The following DOCK9 variants were observed in gnomAD, a reference collection of about 807,000 sequenced individuals.
The protein encoded by DOCK9 is dedicator of cytokinesis protein 9.
DOCK9 carries 89 observed loss-of-function variants against 263.3 expected under a neutral mutation model. The observed-to-expected ratio is 0.34, with a 90% CI of 0.28 to 0.40. The LOEUF (loss-of-function observed/expected upper bound fraction) is 0.40, where lower values mean the gene tolerates loss of function less well. Among genes scored for constraint, DOCK9 ranks in the 10% least tolerant of loss-of-function variants. The pLI is 1.00. For synonymous variants in DOCK9, 976 were observed against 973.1 expected, an observed-to-expected ratio of 1.00 and a Z score of -0.06; for missense variants, 2,140 against 2,603.4, an observed-to-expected ratio of 0.82 and a Z score of 3.87.
Position 98,797,145 on chromosome 13 carries a change from C to T in DOCK9, c.6126G>A (p.Ala2042=), listed in dbSNP as rs1161830292. 1.2e-6 allele frequency: 2 copies of T among 1,614,002 alleles called. No homozygotes were observed. The highest frequency in any genetic ancestry group is 1.7e-6 in the Non-Finnish European group (2 of 1,179,880). The change falls in exon 52 of 53, where the codon GCG becomes GCA. Residue 2042 remains alanine, a synonymous_variant. Coordinates refer to ENST00000682017, the MANE Select transcript of DOCK9 (RefSeq NM_001366683.2). The part of the protein sequence containing the change: ...EEMKANYREM[A]KELSEIMHEQ... ...CATGCATGATTTCAGAAAGCTCCTT[C>T]GCCATTTCCCTGTAGTTGGCTTTCA... is the stretch of plus-strand genomic sequence containing the variant.
intron 1 of DOCK9, among the ~76,000 whole-genome samples, chr13:98,985,921 T>G (rs147664998): frequency 1.3e-4 from 20 of 152,382 alleles, no homozygotes; most frequent in African/African-American, 4.8e-4. Flanking sequence ...GGTGCCTCAC[T>G]TTGGTATGAT....
intron 16 of DOCK9, 22 bp from the exon 17 acceptor site, chr13:98,888,569 C>T: frequency 6.2e-7 from 1 of 1,612,308 alleles, no homozygotes; most frequent in East Asian, 2.2e-5. Flanking sequence ...TTCAAAATAA[C>T]TCAAACTGAA....
intron 2 of DOCK9, among the ~76,000 whole-genome samples, chr13:98,933,460 G>C (rs538734140): frequency 6.6e-6 from 1 of 151,652 alleles, no homozygotes; most frequent in Non-Finnish European, 1.5e-5. Context: ...AGAGAAACCT[G>C]AGTTTTAACA....
At position 98,939,243 on chromosome 13, in the gene DOCK9, G is replaced by A. The variant is rs1306946032; in HGVS notation, c.244-8986C>T. Among the ~76,000 whole-genome samples, 17 of 152,294 alleles carry A rather than the reference G, an allele frequency of 1.1e-4. No individual in the cohort carries two copies. In the East Asian group the frequency reaches 3.3e-3, roughly 29 times the overall value. On this transcript the variant is annotated intron_variant, in intron 2 of 52. Transcript: ENST00000682017. ...CTAGGGAGCTGGAGGGTAATTTCAG[G>A]GTACCTGGGGTCCTGCCTCTAAGAT...
intron 1 of DOCK9, among the ~76,000 whole-genome samples, chr13:99,050,385 T>G (rs1269971055): frequency 6.6e-6 from 1 of 152,110 alleles, no homozygotes; most frequent in African/African-American, 2.4e-5. Flanking sequence ...CATGACTAAC[T>G]TATTCTCCCA....
chr13:98,807,523 A>G (rs531126101), intron 48 of DOCK9, 138 bp downstream of exon 48: 60 of 720,956 alleles, frequency 8.3e-5, no homozygotes, highest in Non-Finnish European at 1.0e-4. Context: ...GGTATCAGGA[A>G]GAAAATACAC....
At chr13:98,902,248 T>G (rs910473423) in intron 12 of DOCK9, 40 bp downstream of exon 12, 8 of 1,600,990 alleles carry the variant, frequency 5.0e-6, no homozygotes, top group Non-Finnish European at 6.8e-6. Context: ...GCATGCAAAG[T>G]GAGTCTGAGT....
chr13:98,935,183 T>C (rs993937902), intron 2 of DOCK9, among the ~76,000 whole-genome samples: 5 of 152,152 alleles, frequency 3.3e-5, no homozygotes, highest in African/African-American at 1.2e-4. Context: ...ACAAGTCATA[T>C]TCAGTACAAA....
At chr13:98,883,157 G>A (rs766519392) in intron 22 of DOCK9, 26 bp from the exon 23 acceptor site, 10 of 1,574,552 alleles carry the variant, frequency 6.4e-6, no homozygotes, top group African/African-American at 2.7e-5. Context: ...AGGAAAAGAA[G>A]AAGAAAGTCT....
At chr13:98,992,703 A>T (rs547039362) in intron 1 of DOCK9, among the ~76,000 whole-genome samples, 1 of 152,264 alleles carries the variant, frequency 6.6e-6, no homozygotes, top group African/African-American at 2.4e-5. Flanking sequence ...CATGATTGTG[A>T]GGCTTCTCCA....
In DOCK9 at chr13:98,797,157, G is replaced by A. The variant is rs1312749791; in HGVS notation, c.6114C>T (p.Tyr2038=). ...CAGAAAGCTCCTTCGCCATTTCCCT[G>A]TAGTTGGCTTTCATTTCTTCCTGAT... ...LEYQEEMKAN[Y]REMAKELSEI... is the part of the protein sequence containing the mutation. Residue 2038 remains tyrosine (Y), a synonymous_variant, in exon 52 of 53, where the codon TAC becomes TAT. Transcript: ENST00000682017. 5 of 1,613,962 alleles carry A rather than the reference G, an allele frequency of 3.1e-6. No homozygotes were observed. The highest frequency in any genetic ancestry group is 8.5e-7 in the Non-Finnish European group (1 of 1,179,890).
intron 38 of DOCK9, among the ~76,000 whole-genome samples, 162 bp downstream of exon 38, chr13:98,845,762 G>A (rs1462051747): frequency 2.0e-5 from 3 of 152,184 alleles, no homozygotes; most frequent in Non-Finnish European, 2.9e-5. Flanking sequence ...TGCTGAGGAC[G>A]CTCCTCCAAG....
intron 38 of DOCK9, among the ~76,000 whole-genome samples, chr13:98,841,313 T>A (rs1201197989): frequency 1.3e-5 from 2 of 152,230 alleles, no homozygotes; most frequent in Non-Finnish European, 2.9e-5. Flanking sequence ...CATCTGAAAG[T>A]GGGACCTCAT....
intron 6 of DOCK9, 50 bp from the exon 7 acceptor site, chr13:98,921,138 C>A (rs1490890589): frequency 1.3e-6 from 2 of 1,533,604 alleles, no homozygotes; most frequent in East Asian, 2.4e-5. Context: ...AAGAGGGTCA[C>A]AATCTCTATC....
chr13:98,835,368 T>C (rs1241703305), intron 39 of DOCK9, among the ~76,000 whole-genome samples: 2 of 152,236 alleles, frequency 1.3e-5, no homozygotes, highest in African/African-American at 2.4e-5. Context: ...GGACCTCTCG[T>C]ATCTGTGAGT....
intron 1 of DOCK9, among the ~76,000 whole-genome samples, chr13:99,082,984 G>A (rs554656124): frequency 1.3e-5 from 2 of 152,158 alleles, no homozygotes; most frequent in African/African-American, 2.4e-5. Flanking sequence ...TCTGGGTGTG[G>A]TGGTTCACGC....
intron 1 of DOCK9, among the ~76,000 whole-genome samples, chr13:99,047,764 C>A (rs2040503965): frequency 6.6e-6 from 1 of 152,056 alleles, no homozygotes; most frequent in Non-Finnish European, 1.5e-5. Flanking sequence ...TTCAGGCGAT[C>A]CACCCACCTC....
intron 1 of DOCK9, among the ~76,000 whole-genome samples, chr13:99,028,554 G>C (rs1450591647): frequency 3.9e-5 from 6 of 152,202 alleles, no homozygotes; most frequent in Non-Finnish European, 2.9e-5. Flanking sequence ...CTTGCTTTTG[G>C]AGAGGGAGGG....
chr13:98,934,600 C>G (rs747573221), intron 2 of DOCK9, among the ~76,000 whole-genome samples: 29 of 152,190 alleles, frequency 1.9e-4, no homozygotes, highest in Non-Finnish European at 7.3e-5. Flanking sequence ...AGTTACAGTA[C>G]TGAAGAATAC....
Sources: gnomAD v4.1 joint callset for allele counts (sites outside exome capture counted in the v4.1 genomes callset) on GRCh38, gnomAD v4.1.1 for gene constraint, MANE v1.5 for transcripts, NCBI Gene and HGNC (gene_info 2026-07-23, HGNC 2026-07-21) for gene names.